PEAK1: variants seen among roughly 807,000 people sequenced by gnomAD.
PEAK1 encodes pseudopodium enriched atypical kinase 1.
PEAK1 carries 54 observed loss-of-function variants against 124.7 expected under a neutral mutation model. That is an observed-to-expected ratio of 0.43 (90% CI 0.35 to 0.54). The LOEUF is 0.54. Ranked by LOEUF, PEAK1 falls within the 20% of genes least tolerant of loss-of-function variation. The pLI is 0.01. For missense variants in PEAK1, 2,046 were observed against 2,134.5 expected (o/e 0.96, Z 0.82); for synonymous variants, 719 against 760.0 (o/e 0.95, Z 0.89).
At chr15:77,170,531 G>A (rs2056434141) in intron 7 of PEAK1, among the ~76,000 whole-genome samples, 1 of 152,100 alleles carries the variant, frequency 6.6e-6, no homozygotes. Flanking sequence ...GATATAACTA[G>A]ATTTACATTT....
In PEAK1 at chr15:77,152,215, G is replaced by C. The variant is rs576899859; in HGVS notation, c.3331+6288C>G. The stretch of plus-strand genomic sequence containing the variant: ...AAGAGGTCCTTCACATCCCTTGTAA[G>C]TTGGATTCCTAGGTATTTTATTCTC... On this transcript the variant is annotated intron_variant, in intron 8 of 9. Coordinates refer to ENST00000682557, the MANE Select transcript of PEAK1 (RefSeq NM_001385026.1). Among the ~76,000 whole-genome samples, 3 of 152,210 alleles carry C rather than the reference G, an allele frequency of 2.0e-5. No individual in the cohort carries two copies. The South Asian group carries it at 6.2e-4, about 32-fold the overall frequency.
intron 9 of PEAK1, among the ~76,000 whole-genome samples, chr15:77,128,959 G>A (rs757700359): frequency 2.8e-4 from 42 of 152,152 alleles, no homozygotes; most frequent in Non-Finnish European, 5.1e-4. Flanking sequence ...AGAGTGCTAT[G>A]GGCTAAATTA....
At chr15:77,147,801 T>C (rs1015374974) in intron 8 of PEAK1, among the ~76,000 whole-genome samples, 8 of 152,188 alleles carry the variant, frequency 5.3e-5, no homozygotes, top group Admixed American at 2.0e-4. Context: ...TTGTGCAACA[T>C]AGAAGACAAT....
intron 5 of PEAK1, among the ~76,000 whole-genome samples, chr15:77,278,947 C>T (rs901126215): frequency 6.7e-6 from 1 of 150,174 alleles, no homozygotes; most frequent in African/African-American, 2.4e-5. Context: ...ATTCTCTAGC[C>T]TCAGCCTCCC....
At chr15:77,188,921 T>C (rs900578541) in intron 6 of PEAK1, among the ~76,000 whole-genome samples, 5 of 152,070 alleles carry the variant, frequency 3.3e-5, no homozygotes, top group Admixed American at 3.3e-4. Context: ...TTCGGCCAGG[T>C]GCGGTGGCTC....
chr15:77,205,049 G>T, intron 6 of PEAK1: 1 of 184,972 alleles, frequency 5.4e-6, no homozygotes. Context: ...CTAAAAACGA[G>T]GCATGTCCAG....
chr15:77,372,526 C>T (rs913755687), intron 1 of PEAK1, among the ~76,000 whole-genome samples: 2 of 152,090 alleles, frequency 1.3e-5, no homozygotes, highest in East Asian at 1.9e-4. Context: ...GAATCAGAAG[C>T]GAGGGTTTAA....
intron 5 of PEAK1, among the ~76,000 whole-genome samples, chr15:77,253,251 G>GGC (rs1555457278): frequency 6.7e-5 from 10 of 149,628 alleles, no homozygotes; most frequent in Non-Finnish European, 1.5e-5. Flanking sequence ...GCGTTGGGGG[G>GGC]GGGGTGGTCC....
chr15:77,260,166 G>A (rs1005482814), intron 5 of PEAK1, among the ~76,000 whole-genome samples: 1 of 152,084 alleles, frequency 6.6e-6, no homozygotes, highest in Admixed American at 6.6e-5. Context: ...GTCCCCAGAA[G>A]GGACAAATCA....
At chr15:77,398,170 A>G (rs1033874550) in intron 1 of PEAK1, among the ~76,000 whole-genome samples, 3 of 152,236 alleles carry the variant, frequency 2.0e-5, no homozygotes, top group East Asian at 1.9e-4. Context: ...TGAATTCTAC[A>G]TAATATTTAA....
chr15:77,408,163 A>ACACC (rs2072070570), intron 1 of PEAK1, among the ~76,000 whole-genome samples: 2 of 150,968 alleles, frequency 1.3e-5, no homozygotes, highest in Non-Finnish European at 3.0e-5. Context: ...ATACACACAC[A>ACACC]CACACACACA....
chr15:77,184,670 G>C (rs12917153), intron 6 of PEAK1, among the ~76,000 whole-genome samples: 11,701 of 152,300 alleles, frequency 0.077, 562 homozygotes, highest in Non-Finnish European at 0.1. Context: ...GCTGAGGCGG[G>C]TGGATCACTT....
intron 1 of PEAK1, among the ~76,000 whole-genome samples, chr15:77,400,716 T>C (rs2071305302): frequency 1.3e-5 from 2 of 152,096 alleles, no homozygotes; most frequent in Admixed American, 6.5e-5. Flanking sequence ...AAACAACATA[T>C]GCAATATATT....
chr15:77,349,010 A>G (rs2067045958), intron 2 of PEAK1: 1 of 948,030 alleles, frequency 1.1e-6, no homozygotes. Context: ...AAAATGCCTT[A>G]GCAAGCAATC....
At chr15:77,400,806 C>G (rs571734296) in intron 1 of PEAK1, among the ~76,000 whole-genome samples, 6 of 152,186 alleles carry the variant, frequency 3.9e-5, no homozygotes, top group Non-Finnish European at 5.9e-5. Flanking sequence ...CAATGATTAC[C>G]TCTGGAAGGT....
intron 6 of PEAK1, among the ~76,000 whole-genome samples, chr15:77,200,270 G>A (rs1258268155): frequency 6.6e-6 from 1 of 151,956 alleles, no homozygotes; most frequent in Non-Finnish European, 1.5e-5. Flanking sequence ...TTACTTTATT[G>A]TAAGAATATA....
intron 1 of PEAK1, chr15:77,404,232 G>GT: frequency 1.0e-6 from 1 of 985,394 alleles, no homozygotes; most frequent in Non-Finnish European, 1.2e-6. Context: ...GATCCATGGT[G>GT]TAACTTGGCT....
chr15:77,371,477 T>C (rs1294331556), intron 1 of PEAK1: 1 of 982,000 alleles, frequency 1.0e-6, no homozygotes, highest in African/African-American at 1.8e-5. Flanking sequence ...CTCAGATCTT[T>C]ATTGTAGCCT....
intron 9 of PEAK1, among the ~76,000 whole-genome samples, chr15:77,117,263 G>T (rs2051473242): frequency 6.6e-6 from 1 of 152,126 alleles, no homozygotes; most frequent in African/African-American, 2.4e-5. Context: ...GGCTTGGGAG[G>T]CCTGGGATTT....
Sources: gnomAD v4.1 joint callset for allele counts (sites outside exome capture counted in the v4.1 genomes callset) on GRCh38, gnomAD v4.1.1 for gene constraint, MANE v1.5 for transcripts, NCBI Gene and HGNC (gene_info 2026-07-23, HGNC 2026-07-21) for gene names.